The following CADM2 variants were observed in gnomAD, a reference collection of about 807,000 sequenced individuals.
CADM2 encodes the protein immunoglobulin superfamily member 4D.
Under a neutral mutation model 49.8 loss-of-function variants are expected in CADM2, and 12 were observed. That is an observed-to-expected ratio of 0.24 (90% confidence interval 0.15 to 0.39). The LOEUF is 0.39. Among genes scored for constraint, CADM2 ranks in the 10% least tolerant of loss-of-function variants. CADM2 has a pLI of 1.00. For synonymous variants in CADM2, 214 were observed against 175.4 expected, an observed-to-expected ratio of 1.22 and a Z score of -1.74; for missense variants, 378 against 492.3, an observed-to-expected ratio of 0.77 and a Z score of 2.20.
intron 8 of CADM2, among the ~76,000 whole-genome samples, chr3:85,972,669 A>G (rs1726295280): frequency 6.6e-6 from 1 of 151,790 alleles, no homozygotes; most frequent in South Asian, 2.1e-4. Context: ...CAAGTTGACA[A>G]GTTAGAAATT....
chr3:86,035,437 A>G (rs951462495), intron 8 of CADM2, among the ~76,000 whole-genome samples: 1 of 151,964 alleles, frequency 6.6e-6, no homozygotes, highest in Non-Finnish European at 1.5e-5. Flanking sequence ...TTGTGTTCTC[A>G]CCTTCAGTGA....
rs372778625 is a variant in CADM2, at chr3:85,120,553, C to T, written c.61+160885C>T. Among the ~76,000 whole-genome samples the T allele has an allele frequency of 5.9e-5, 9 of 152,240 alleles. No individual in the cohort carries two copies. The South Asian group carries it at 8.3e-4, about 14-fold the overall frequency. On this transcript the variant is annotated intron_variant, in intron 1 of 9. Transcript: ENST00000383699. ...GGACATGGATGAAGCTGGAAACCATCATTCTCAGCAAACTAACACAGGAAC... is the reference window on the plus strand; with the variant it reads ...GGACATGGATGAAGCTGGAAACCATTATTCTCAGCAAACTAACACAGGAAC...
chr3:85,789,750 C>G (rs1009617637), intron 2 of CADM2, among the ~76,000 whole-genome samples: 4 of 152,056 alleles, frequency 2.6e-5, no homozygotes, highest in African/African-American at 9.7e-5. Context: ...ATTTTAAAGT[C>G]TTCATTACAA....
intron 1 of CADM2, among the ~76,000 whole-genome samples, chr3:85,337,068 A>G (rs567153023): frequency 6.9e-6 from 1 of 144,372 alleles, no homozygotes; most frequent in Non-Finnish European, 1.5e-5. Context: ...TTTCATTATC[A>G]AAGTTGACCA....
chr3:86,024,435 T>G (rs949183714), intron 8 of CADM2, among the ~76,000 whole-genome samples: 1 of 152,214 alleles, frequency 6.6e-6, no homozygotes, highest in Non-Finnish European at 1.5e-5. Context: ...GAAAGACAAT[T>G]GTATTTCTAC....
intron 1 of CADM2, among the ~76,000 whole-genome samples, chr3:85,393,027 C>T (rs2034593148): frequency 6.7e-6 from 1 of 148,746 alleles, no homozygotes; most frequent in Admixed American, 6.8e-5. Context: ...TGAACAATTT[C>T]AGGGATGCAG....
At chr3:85,606,541 G>A (rs892129092) in intron 1 of CADM2, among the ~76,000 whole-genome samples, 4 of 151,978 alleles carry the variant, frequency 2.6e-5, no homozygotes, top group Admixed American at 6.6e-5. Context: ...CCAAAAAGAG[G>A]ATAGAATATC....
chr3:85,212,884 T>TTCTGTCTCTCTCTCTCTCTCTCTC (rs1674944199), intron 1 of CADM2, among the ~76,000 whole-genome samples: 1 of 78,610 alleles, frequency 1.3e-5, no homozygotes, highest in Non-Finnish European at 2.6e-5. Context: ...CTTTCTTTCT[T>TTCTGTCTCTCTCTCTCTCTCTCTC]TCTCTTTCTT....
At chr3:85,774,218 C>A (rs1388611451) in intron 2 of CADM2, among the ~76,000 whole-genome samples, 2 of 151,752 alleles carry the variant, frequency 1.3e-5, no homozygotes, top group Admixed American at 6.6e-5. Context: ...GTTGTACAGT[C>A]TCCTGGTTTA....
At chr3:85,757,074 T>C (rs1236581397) in intron 2 of CADM2, among the ~76,000 whole-genome samples, 1 of 152,130 alleles carries the variant, frequency 6.6e-6, no homozygotes, top group Non-Finnish European at 1.5e-5. Flanking sequence ...TTTATGGCTT[T>C]ATAAAATAAT....
intron 3 of CADM2, among the ~76,000 whole-genome samples, chr3:85,877,801 T>C (rs1712141959): frequency 1.3e-5 from 2 of 150,562 alleles, no homozygotes; most frequent in African/African-American, 4.9e-5. Flanking sequence ...TTATCACATA[T>C]AGACAGAGTT....
intron 1 of CADM2, among the ~76,000 whole-genome samples, chr3:85,314,885 C>T (rs1355677917): frequency 6.6e-6 from 1 of 152,156 alleles, no homozygotes; most frequent in African/African-American, 2.4e-5. Context: ...AATATTTCCA[C>T]TTTCCATGTA....
intron 1 of CADM2, among the ~76,000 whole-genome samples, chr3:85,337,107 C>A (rs2045110691): frequency 6.8e-6 from 1 of 146,092 alleles, no homozygotes; most frequent in South Asian, 2.1e-4. Context: ...TTTGGCCTTC[C>A]ATCTGCCATC....
At chr3:85,643,196 C>T (rs978372369) in intron 1 of CADM2, among the ~76,000 whole-genome samples, 4 of 152,178 alleles carry the variant, frequency 2.6e-5, no homozygotes, top group Middle Eastern at 3.4e-3. Context: ...TAATGTAGCA[C>T]GTATACTTCT....
At chr3:85,990,963 G>A (rs750737957) in intron 8 of CADM2, among the ~76,000 whole-genome samples, 1 of 152,154 alleles carries the variant, frequency 6.6e-6, no homozygotes, top group Non-Finnish European at 1.5e-5. Flanking sequence ...AGAACCAGTA[G>A]GTAGAGAAAG....
chr3:85,497,468 A>C (rs2039952877), intron 1 of CADM2, among the ~76,000 whole-genome samples: 1 of 152,152 alleles, frequency 6.6e-6, no homozygotes, highest in African/African-American at 2.4e-5. Flanking sequence ...TGAAAGAACG[A>C]ACTTTTATTT....
intron 1 of CADM2, among the ~76,000 whole-genome samples, chr3:85,171,241 C>G (rs1188839943): frequency 2.0e-5 from 3 of 152,092 alleles, no homozygotes; most frequent in Admixed American, 2.0e-4. Context: ...GTGAGTTACA[C>G]TCTAGATTTC....
rs1228137201 is a variant in CADM2, at chr3:86,065,630, T to A, written c.996T>A (p.Asn332Lys). 1 of 1,613,552 alleles carries A rather than the reference T, an allele frequency of 6.2e-7. No individual in the cohort carries two copies. Among genetic ancestry groups the A allele is most frequent in the Non-Finnish European group, 8.5e-7 (1 of 1,179,742 alleles). Residue 332 changes from asparagine to lysine, a missense_variant, in exon 9 of 10, where the codon AAT becomes AAA. Asn to Lys is a moderately conservative substitution (Grantham distance 94). Coordinates refer to ENST00000383699, the MANE Select transcript of CADM2 (RefSeq NM_001167675.2). ...ATCCTAATGCTTTGGCTGGCCAGAA[T>A]GGCCCTGACCATGCTCTCATAGGAG... ...VHDPNALAGQ[N>K]GPDHALIGGI...
rs531080468 is a variant in CADM2, at chr3:86,013,245, A to C, written c.970+51598A>C. On this transcript the variant is annotated intron_variant, in intron 8 of 9. Transcript: ENST00000383699. ...AACAAAAACATAAACCAACAATAGC[A>C]ATGCTCAGAACCCCAGTGAAGAAGA... 50 of 1,459,896 alleles carry C rather than the reference A, an allele frequency of 3.4e-5. 1 individual carries two copies. The South Asian group carries it at 5.7e-4, about 17-fold the overall frequency. The allele number at this position is 1,459,896 out of a possible 1,614,324, so 90.4% of individuals were successfully genotyped here. A position where few individuals can be genotyped will look rare whatever the true frequency, so the allele number is the denominator to read the frequency against.
Sources: gnomAD v4.1 joint callset for allele counts (sites outside exome capture counted in the v4.1 genomes callset) on GRCh38, gnomAD v4.1.1 for gene constraint, MANE v1.5 for transcripts, NCBI Gene and HGNC (gene_info 2026-07-23, HGNC 2026-07-21) for gene names.